The following ZNF254 variants were observed in gnomAD, a reference collection of about 807,000 sequenced individuals.
ZNF254 encodes the protein zinc finger protein 254, also known as CTD-2017D11.1.
ZNF254 carries 10 observed loss-of-function variants against 12.4 expected under a neutral mutation model. That is an observed-to-expected ratio of 0.80 (90% CI 0.50 to 1.36). The LOEUF (loss-of-function observed/expected upper bound fraction) is 1.36. ZNF254 is among the 40% of genes most tolerant of loss of function. The pLI is 0.00. For synonymous variants in ZNF254, 305 were observed against 253.4 expected, an observed-to-expected ratio of 1.20 and a Z score of -1.93; for missense variants, 996 against 763.9, an observed-to-expected ratio of 1.30 and a Z score of -3.58.
intron 2 of ZNF254, among the ~76,000 whole-genome samples, chr19:24,062,936 G>C (rs983078104): frequency 2.6e-5 from 4 of 152,120 alleles, no homozygotes; most frequent in African/African-American, 9.7e-5. Context: ...GAGTAGCTGG[G>C]ATTACAGGTG....
In ZNF254 at chr19:24,075,339, C is replaced by A. The variant is rs547987494; in HGVS notation, c.-94+29060C>A. On this transcript the variant is annotated intron_variant, in intron 2 of 4. Coordinates refer to the ZNF254 transcript ENST00000613065. The stretch of plus-strand genomic sequence containing the variant: ...ATATCTCTATCAGGGGAACCAGCAC[C>A]CAATATTTCAATGTAGGTTCTTTTC... Among the ~76,000 whole-genome samples the A allele has an allele frequency of 9.3e-4, 142 of 152,218 alleles. 1 individual carries two copies. Among genetic ancestry groups the A allele is most frequent in the African/African-American group, 3.3e-3 (138 of 41,522 alleles).
chr19:24,124,742 T>C (rs1974712748), intron 3 of ZNF254, among the ~76,000 whole-genome samples: 4 of 152,124 alleles, frequency 2.6e-5, no homozygotes, highest in Admixed American at 2.6e-4. Context: ...AAGATTATGT[T>C]TGTAAATGGC....
chr19:24,082,996 A>T (rs1971905173), upstream of ZNF254, among the ~76,000 whole-genome samples: 1 of 152,190 alleles, frequency 6.6e-6, no homozygotes. Context: ...ATAAGTAGCG[A>T]GCCTCCAAGT....
At chr19:24,080,740 CCACTGCA>C (rs1436279335) in intron 2 of ZNF254, 1 of 149,564 alleles carries the variant, frequency 6.7e-6, no homozygotes, top group Non-Finnish European at 1.5e-5. Context: ...TGAGATCGTG[CCACTGCA>C]CTCCAGCCTG....
At chr19:24,102,639 C>A (rs2145781135) in intron 1 of ZNF254, among the ~76,000 whole-genome samples, 1 of 152,154 alleles carries the variant, frequency 6.6e-6, no homozygotes, top group South Asian at 2.1e-4. Flanking sequence ...TCACACTTTT[C>A]TGAAACCCAA....
intron 2 of ZNF254, among the ~76,000 whole-genome samples, chr19:24,052,287 A>AC (rs2145319944): frequency 6.6e-6 from 1 of 152,296 alleles, no homozygotes; most frequent in South Asian, 2.1e-4. Context: ...GGAACCACCC[A>AC]CAGAAGTATT....
chr19:24,082,496 A>T (rs1236213584), upstream of ZNF254, among the ~76,000 whole-genome samples: 41 of 123,228 alleles, frequency 3.3e-4, no homozygotes, highest in African/African-American at 1.3e-3. Flanking sequence ...AAAAAAAAAA[A>T]AAAATTAGCC....
Position 24,078,937 on chromosome 19 carries a change from A to G in ZNF254, c.-93-27003A>G, listed in dbSNP as rs571240409. ...AACAAAACAGAAGTATCAGGTTACT[A>G]AAACCTCAGGAACAGAGATTACGGA... On this transcript the variant is annotated intron_variant, in intron 2 of 4. Coordinates refer to the ZNF254 transcript ENST00000613065. 144 of 152,342 alleles carry G rather than the reference A, an allele frequency of 9.5e-4. 1 individual carries two copies. The highest frequency in any genetic ancestry group is 3.4e-3 in the African/African-American group (140 of 41,586). 9.4% of individuals were successfully genotyped at this position (152,342 alleles called of 1,614,324 possible).
rs17725682 is a variant in ZNF254, at chr19:24,039,227, T to C, written c.-190+5606T>C. Among the ~76,000 whole-genome samples the C allele has an allele frequency of 2.4e-4, 36 of 152,318 alleles. No individual in the cohort carries two copies. The East Asian group carries it at 6.9e-3, about 29-fold the overall frequency. ...CAAGACAGGGCCAGGCTTTGGATCT[T>C]GTCCAGTGAAATTTTGAGATTGTGT... On this transcript the variant is annotated intron_variant, in intron 1 of 4. Transcript: ENST00000613065.
intron 1 of ZNF254, among the ~76,000 whole-genome samples, chr19:24,087,558 C>T (rs1972104513): frequency 2.0e-5 from 3 of 152,138 alleles, no homozygotes; most frequent in Admixed American, 2.0e-4. Flanking sequence ...GTCCTGGAGC[C>T]CTCTCTGGGC....
intron 3 of ZNF254, among the ~76,000 whole-genome samples, chr19:24,109,136 T>C (rs1046290275): frequency 6.6e-6 from 1 of 152,200 alleles, no homozygotes; most frequent in African/African-American, 2.4e-5. Context: ...AAACTTGGAT[T>C]ACAGTAGTTT....
chr19:24,115,669 TATA>T (rs1050621501), intron 3 of ZNF254, among the ~76,000 whole-genome samples: 5 of 152,122 alleles, frequency 3.3e-5, no homozygotes, highest in African/African-American at 4.8e-5. Context: ...AAACTTAAAG[TATA>T]ATAATAATAA....
rs1975048580 is a variant in ZNF254, at chr19:24,128,496, G to A, written c.*516G>A. On this transcript the variant is annotated 3_prime_UTR_variant, in exon 4 of 4. Coordinates refer to ENST00000357002, the MANE Select transcript of ZNF254 (RefSeq NM_203282.4). ...TTGTAATATCTTTACTTGTACCACAGATCTTATTGTACACATTTTATACTA... is the reference window on the plus strand; with the variant it reads ...TTGTAATATCTTTACTTGTACCACAAATCTTATTGTACACATTTTATACTA... 6.6e-6 allele frequency: 1 copy of A among 152,080 alleles called. No homozygotes were observed. The highest frequency in any genetic ancestry group is 2.1e-4 in the South Asian group (1 of 4,826). The allele number at this position is 152,080 out of a possible 1,614,324, so 9.4% of individuals were successfully genotyped here. A position where few individuals can be genotyped will look rare whatever the true frequency, so the allele number is the denominator to read the frequency against.
At chr19:24,117,735 A>G (rs1477400719) in intron 3 of ZNF254, among the ~76,000 whole-genome samples, 1 of 151,824 alleles carries the variant, frequency 6.6e-6, no homozygotes, top group Non-Finnish European at 1.5e-5. Context: ...CTCCCTAGTG[A>G]GATGAACCCG....
At chr19:24,120,654 TTTGTTGTTG>T (rs143574815) in intron 3 of ZNF254, among the ~76,000 whole-genome samples, 5 of 151,370 alleles carry the variant, frequency 3.3e-5, no homozygotes, top group East Asian at 1.9e-4. Flanking sequence ...TTAGCATTTC[TTTGTTGTTG>T]TTGTTGTTGT....
At chr19:24,055,206 A>AG (rs1970798298) in intron 2 of ZNF254, among the ~76,000 whole-genome samples, 2 of 25,974 alleles carry the variant, frequency 7.7e-5, no homozygotes, top group Middle Eastern at 0.016. Context: ...CTGTCTCACC[A>AG]AAAAAAAAAA....
At chr19:24,119,951 A>G (rs952242809) in intron 3 of ZNF254, among the ~76,000 whole-genome samples, 4 of 152,022 alleles carry the variant, frequency 2.6e-5, no homozygotes, top group African/African-American at 9.7e-5. Context: ...TGTTTTGCAT[A>G]CTTTCTATAA....
chr19:24,100,676 CTCTCTCTT>C (rs967347504), intron 1 of ZNF254, among the ~76,000 whole-genome samples: 1 of 100,236 alleles, frequency 1.0e-5, no homozygotes, highest in Admixed American at 1.0e-4. Flanking sequence ...TTGTATGTCT[CTCTCTCTT>C]TTTTTTTTTT....
chr19:24,113,404 C>G (rs1432538366), intron 3 of ZNF254, among the ~76,000 whole-genome samples: 2 of 152,006 alleles, frequency 1.3e-5, no homozygotes, highest in Admixed American at 6.6e-5. Context: ...TAAATGTAAT[C>G]CAGCATATAA....
Sources: allele counts gnomAD v4.1 joint callset (sites outside exome capture counted in the v4.1 genomes callset), GRCh38; gene constraint gnomAD v4.1.1; transcripts MANE v1.5; gene names NCBI Gene and HGNC (gene_info 2026-07-23, HGNC 2026-07-21).